FANCA: variants seen among roughly 807,000 people sequenced by gnomAD.
FANCA encodes the protein Fanconi anemia group A protein.
Under a neutral mutation model 194.3 loss-of-function variants are expected in FANCA, and 236 were observed. The ratio of observed to expected loss-of-function variants is 1.21; its 90% confidence interval spans 1.09 to 1.35. FANCA has a LOEUF of 1.35. Ranked by LOEUF, FANCA falls within the 40% of genes most tolerant of loss-of-function variation. The pLI is 0.00. For missense variants in FANCA, 2,628 were observed against 1,813.9 expected, an observed-to-expected ratio of 1.45 and a Z score of -8.15; for synonymous variants, 1,014 against 715.8, an observed-to-expected ratio of 1.42 and a Z score of -6.65.
intron 29 of FANCA, among the ~76,000 whole-genome samples, chr16:89,759,787 C>A (rs1357051358): frequency 6.6e-6 from 1 of 152,136 alleles, no homozygotes. Context: ...CCGCAGTGCA[C>A]AGAACCATCA....
intron 11 of FANCA, among the ~76,000 whole-genome samples, chr16:89,793,997 G>A (rs776139529): frequency 9.2e-5 from 14 of 152,006 alleles, no homozygotes; most frequent in East Asian, 5.8e-4. Context: ...TGACCTGCCC[G>A]TCTCAGCCTC....
intron 3 of FANCA, among the ~76,000 whole-genome samples, chr16:89,811,569 GCCA>G (rs1340902878): frequency 6.6e-6 from 1 of 152,122 alleles, no homozygotes; most frequent in African/African-American, 2.4e-5. Context: ...CAGTCCGCAG[GCCA>G]CCAAGTGGAA....
At chr16:89,816,445 G>A in intron 1 of FANCA, 92 bp downstream of exon 1, 9 of 1,181,052 alleles carry the variant, frequency 7.6e-6, no homozygotes, top group Non-Finnish European at 8.8e-6. Flanking sequence ...GGATCCGACC[G>A]GCGGAGGCTC....
At chr16:89,811,221 T>C (rs1021488502) in intron 3 of FANCA, 150 bp from the exon 4 acceptor site, 1 of 962,764 alleles carries the variant, frequency 1.0e-6, no homozygotes, top group African/African-American at 1.6e-5. Flanking sequence ...GGGAAAAACA[T>C]GAGATAAAAA....
chr16:89,778,766 G>A, intron 20 of FANCA, 35 bp downstream of exon 20: 1 of 1,593,080 alleles, frequency 6.3e-7, no homozygotes, highest in Non-Finnish European at 8.6e-7. Flanking sequence ...AAGAAACCTG[G>A]AAGTAGTCAT....
At position 89,811,078 on chromosome 16, in the gene FANCA, C is replaced by T. The variant is rs2143681344; in HGVS notation, c.284-7G>A. On this transcript the variant is annotated splice_region_variant and splice_polypyrimidine_tract_variant and intron_variant, in intron 3 of 42. Coordinates refer to ENST00000389301, the MANE Select transcript of FANCA (RefSeq NM_000135.4). Reference sequence around the variant, plus strand: ...TGATCCTGCAAAGCAGAGCCTTAAACACAAAACAAAACCATAGCTTTCTCT... The same window carrying T: ...TGATCCTGCAAAGCAGAGCCTTAAATACAAAACAAAACCATAGCTTTCTCT... 2 of 1,613,982 alleles carry T rather than the reference C, an allele frequency of 1.2e-6. No homozygotes were observed. Among genetic ancestry groups the T allele is most frequent in the Non-Finnish European group, 1.7e-6 (2 of 1,180,044 alleles).
chr16:89,771,704 G>T lies in FANCA; in HGVS notation c.2125C>A (p.Pro709Thr). Reference protein sequence around the residue: ...ISKIQLSINTPRLEPREHMAV... With the variant: ...ISKIQLSINTTRLEPREHMAV... The stretch of plus-strand genomic sequence containing the variant: ...ATGTGTTCCCGTGGCTCCAGTCTCG[G>T]CGTGTTGATGCTGAGCTGAATCTTT... Residue 709 changes from proline (P) to threonine (T), a missense_variant, in exon 23 of 43, where the codon CCG becomes ACG. Coordinates refer to ENST00000389301, the MANE Select transcript of FANCA (RefSeq NM_000135.4). 1 of 1,614,142 alleles carries T rather than the reference G, an allele frequency of 6.2e-7. No homozygotes were observed. Among genetic ancestry groups the T allele is most frequent in the South Asian group, 1.1e-5 (1 of 91,086 alleles).
chr16:89,749,890 C>T lies in FANCA; in HGVS notation c.3079G>A (p.Asp1027Asn). 1 of 1,614,088 alleles carries T rather than the reference C, an allele frequency of 6.2e-7. No individual in the cohort carries two copies. Among genetic ancestry groups the T allele is most frequent in the Non-Finnish European group, 8.5e-7 (1 of 1,180,022 alleles). The change falls in exon 32 of 43, where the codon GAC (aspartate) becomes AAC (asparagine). Residue 1027 changes from aspartate to asparagine, a missense_variant. Physicochemically the swap from Asp to Asn is conservative, Grantham distance 23. Coordinates refer to ENST00000389301, the MANE Select transcript of FANCA (RefSeq NM_000135.4). ...ATGAGGTCTTGCTGCAGCTCCAGGT[C>T]AGCTACCATCTCCTGAAAAAGAGCA... The part of the protein sequence containing the change: ...IISRLQEMVA[D>N]LELQQDLIVP...
intron 23 of FANCA, among the ~76,000 whole-genome samples, chr16:89,771,252 A>G (rs1169489519): frequency 6.6e-6 from 1 of 151,898 alleles, no homozygotes; most frequent in Non-Finnish European, 1.5e-5. Context: ...TGACCTCAGG[A>G]CTTCTAGACC....
intron 30 of FANCA, among the ~76,000 whole-genome samples, chr16:89,755,161 C>CAACT (rs2038726194): frequency 1.3e-5 from 2 of 151,816 alleles, no homozygotes; most frequent in South Asian, 4.2e-4. Flanking sequence ...GGTGCTGGGA[C>CAACT]AACTGCATGG....
In FANCA at chr16:89,769,895, C is replaced by T. The variant is rs1487234260; in HGVS notation, c.2446G>A (p.Ala816Thr). 6.2e-7 allele frequency: 1 copy of T among 1,613,964 alleles called. No homozygotes were observed. The highest frequency in any genetic ancestry group is 2.2e-5 in the East Asian group (1 of 44,884). ...CAGGTCAGGAGGCTGTCAAAGAGCG[C>T]AGGGACAGGAAGGCCAGCACCAGGT... ...PAPGAGLPVP[A>T]LFDSLLTCRT... Residue 816 changes from alanine to threonine, a missense_variant, in exon 26 of 43, where the codon GCG becomes ACG. Transcript: ENST00000389301.
chr16:89,751,232 G>A (rs562247819), intron 31 of FANCA, among the ~76,000 whole-genome samples: 9 of 152,164 alleles, frequency 5.9e-5, no homozygotes, highest in African/African-American at 2.2e-4. Context: ...CAGGTGCAGT[G>A]GCTCACGCCT....
chr16:89,770,080 C>T, intron 25 of FANCA, 56 bp from the exon 26 acceptor site: 1 of 1,593,550 alleles, frequency 6.3e-7, no homozygotes, highest in South Asian at 1.1e-5. Context: ...CTGGAATTTT[C>T]CAGGGCACTG....
intron 18 of FANCA, among the ~76,000 whole-genome samples, chr16:89,779,634 C>A (rs1453163421): frequency 1.3e-5 from 2 of 152,178 alleles, no homozygotes; most frequent in African/African-American, 2.4e-5. Flanking sequence ...ACGGCAGGAT[C>A]CTCGATTCAC....
intron 29 of FANCA, among the ~76,000 whole-genome samples, 194 bp from the exon 30 acceptor site, chr16:89,758,899 G>C (rs947280230): frequency 6.6e-6 from 1 of 152,138 alleles, no homozygotes; most frequent in Non-Finnish European, 1.5e-5. Context: ...TGTGGGAAAG[G>C]CCTGGTCTCA....
chr16:89,783,512 C>A (rs1372200746), intron 15 of FANCA, among the ~76,000 whole-genome samples: 1 of 150,750 alleles, frequency 6.6e-6, no homozygotes, highest in Admixed American at 6.6e-5. Flanking sequence ...GATCGCGCCA[C>A]TGCACTCCAG....
chr16:89,753,777 A>G (rs7206308), intron 30 of FANCA, among the ~76,000 whole-genome samples: 65,209 of 152,052 alleles, frequency 0.43, 15,446 homozygotes, highest in East Asian at 0.76. Context: ...CACTGGGGAC[A>G]GACACGGTGG....
At chr16:89,748,812 T>C (rs1386850413) in intron 32 of FANCA, 45 bp from the exon 33 acceptor site, 2 of 1,497,520 alleles carry the variant, frequency 1.3e-6, no homozygotes, top group South Asian at 2.3e-5. Flanking sequence ...CAGCGTACAC[T>C]CTGCTCCTTC....
In FANCA at chr16:89,769,236, C is replaced by A. The variant is rs2039236748; in HGVS notation, c.2504+601G>T. Among the ~76,000 whole-genome samples, 4 of 152,244 alleles carry A rather than the reference C, an allele frequency of 2.6e-5. No individual in the cohort carries two copies. The South Asian group carries it at 8.3e-4, about 31-fold the overall frequency. On this transcript the variant is annotated intron_variant, in intron 26 of 42. Coordinates refer to ENST00000389301, the MANE Select transcript of FANCA (RefSeq NM_000135.4). Reference sequence around the variant, plus strand: ...AGACCAGAAGCTACAAGCCAAGCCCCAGCCAGCAACTCCCACCAGAGTCTC... The same window carrying A: ...AGACCAGAAGCTACAAGCCAAGCCCAAGCCAGCAACTCCCACCAGAGTCTC...
Sources: allele counts gnomAD v4.1 joint callset (sites outside exome capture counted in the v4.1 genomes callset), GRCh38; gene constraint gnomAD v4.1.1; transcripts MANE v1.5; gene names NCBI Gene and HGNC (gene_info 2026-07-23, HGNC 2026-07-21).